Variants in GID8 observed in about 807,000 individuals in gnomAD.
The protein encoded by GID8 is glucose-induced degradation protein 8 homolog.
A neutral mutation model predicts 27.4 loss-of-function variants in GID8; 6 were observed. The ratio of observed to expected loss-of-function variants is 0.22; its 90% confidence interval spans 0.12 to 0.43. GID8 has a LOEUF of 0.43. Ranked by LOEUF, GID8 falls within the 20% of genes least tolerant of loss-of-function variation. The pLI is 1.00. For synonymous variants in GID8, 112 were observed against 109.0 expected, an observed-to-expected ratio of 1.03 and a Z score of -0.17; for missense variants, 173 against 287.6, an observed-to-expected ratio of 0.60 and a Z score of 2.88.
rs780040676 is a variant in GID8, at chr20:62,943,226, A to C, written c.315+43A>C. The C allele has an allele frequency of 8.6e-6, 12 of 1,394,466 alleles. No individual in the cohort carries two copies. The highest frequency in any genetic ancestry group is 4.6e-5 in the East Asian group (2 of 43,438). The allele number at this position is 1,394,466 out of a possible 1,614,324, so 86.4% of individuals were successfully genotyped here. On this transcript the variant is annotated intron_variant, in intron 3 of 4. Coordinates refer to ENST00000266069, the MANE Select transcript of GID8 (RefSeq NM_017896.3). The surrounding 1 kb of genome is among the most constrained non-coding windows in gnomAD (Gnocchi z 4.7). ...GTAGTCTGGTTTGTGAATACTTGAT[A>C]AGTTAAAGTTATTTGCAATGATTGA...
At chr20:62,944,557 G>A (rs764426409) in intron 4 of GID8, among the ~76,000 whole-genome samples, 182 bp from the exon 5 acceptor site, 4 of 152,184 alleles carry the variant, frequency 2.6e-5, no homozygotes, top group Admixed American at 1.3e-4. Context: ...AACTGCCATC[G>A]AGGTTGCATG....
In GID8 at chr20:62,945,740, A is replaced by C; in HGVS notation, c.*828A>C. On this transcript the variant is annotated 3_prime_UTR_variant, in exon 5 of 5. Transcript: ENST00000266069. ...GGCAGTGGCTTTTTCTGGTACCTGC[A>C]GCTGGAAAGGCCACTTGGCCCTGTG... 2 of 1,215,410 alleles carry C rather than the reference A, an allele frequency of 1.6e-6. No homozygotes were observed. Among genetic ancestry groups the C allele is most frequent in the Non-Finnish European group, 2.1e-6 (2 of 948,128 alleles). The allele number at this position is 1,215,410 out of a possible 1,614,324, so 75.3% of individuals were successfully genotyped here.
Position 62,938,150 on chromosome 20 carries a change from C to T in GID8, c.-116C>T, listed in dbSNP as rs2147624260. The stretch of plus-strand genomic sequence containing the variant: ...CCGCCGCGGCCCCCACCTCTGCCTC[C>T]TTCTACTCGGGCGCCCCGGCGGCCG... On this transcript the variant is annotated 5_prime_UTR_variant, in exon 1 of 5. Coordinates refer to ENST00000266069, the MANE Select transcript of GID8 (RefSeq NM_017896.3). 1 of 296,588 alleles carries T rather than the reference C, an allele frequency of 3.4e-6. No homozygotes were observed. Among genetic ancestry groups the T allele is most frequent in the Non-Finnish European group, 6.2e-6 (1 of 160,598 alleles). 18.4% of individuals were successfully genotyped at this position (296,588 alleles called of 1,614,324 possible).
At chr20:62,939,590 A>G (rs1313613069) in intron 1 of GID8, among the ~76,000 whole-genome samples, 4 of 152,110 alleles carry the variant, frequency 2.6e-5, no homozygotes, top group South Asian at 2.1e-4. Context: ...TTGTGGCCCC[A>G]TCTTGCAGGG....
chr20:62,939,799 C>T (rs2065431645), intron 1 of GID8, among the ~76,000 whole-genome samples: 1 of 152,240 alleles, frequency 6.6e-6, no homozygotes, highest in Admixed American at 6.5e-5. Flanking sequence ...GCATTCATCC[C>T]ATTTTCAGCC....
rs2065454610 is a variant in GID8 at position 62,943,856 on chromosome 20, G to A, written c.513+164G>A. The stretch of plus-strand genomic sequence containing the variant: ...CATGGCTTTTTTTTTTTTTTTTGGA[G>A]GTGAAGTCTTGTTCTGTCGCCCAGG... On this transcript the variant is annotated intron_variant, in intron 4 of 4. Coordinates refer to ENST00000266069, the MANE Select transcript of GID8 (RefSeq NM_017896.3). This position sits in a 1 kb window ranked among gnomAD's most constrained non-coding sequence, Gnocchi z 4.7. Among the ~76,000 whole-genome samples the A allele has an allele frequency of 7.1e-6, 1 of 141,442 alleles. No homozygotes were observed. The highest frequency in any genetic ancestry group is 2.5e-5 in the African/African-American group (1 of 39,436). 92.8% of individuals were successfully genotyped at this position (141,442 alleles called of 152,430 possible). A position where few individuals can be genotyped will look rare whatever the true frequency, so the allele number is the denominator to read the frequency against.
At chr20:62,941,708 G>A in intron 2 of GID8, 88 bp downstream of exon 2, 1 of 788,402 alleles carries the variant, frequency 1.3e-6, no homozygotes, top group South Asian at 1.4e-5. Context: ...GAGGTTTGAT[G>A]ACGTAGTTAT....
In GID8 at chr20:62,945,999, C is replaced by G. The variant is rs1395861703; in HGVS notation, c.*1087C>G. Reference sequence around the variant, plus strand: ...CGTGGTGGGCAGGAGGGAAGTGGTGCAGGGCTGCGTGCATTGCCTGCGAGT... The same window carrying G: ...CGTGGTGGGCAGGAGGGAAGTGGTGGAGGGCTGCGTGCATTGCCTGCGAGT... On this transcript the variant is annotated 3_prime_UTR_variant, in exon 5 of 5. Transcript: ENST00000266069. The G allele has an allele frequency of 7.8e-6, 10 of 1,289,318 alleles. No individual in the cohort carries two copies. Among genetic ancestry groups the G allele is most frequent in the Non-Finnish European group, 1.0e-5 (10 of 988,862 alleles). 79.9% of individuals were successfully genotyped at this position (1,289,318 alleles called of 1,614,324 possible).
Position 62,943,406 on chromosome 20 carries a change from G to A in GID8, c.316-89G>A, listed in dbSNP as rs746861719. On this transcript the variant is annotated intron_variant, in intron 3 of 4. Transcript: ENST00000266069. The surrounding 1 kb of genome is among the most constrained non-coding windows in gnomAD (Gnocchi z 4.7). Reference sequence around the variant, plus strand: ...GATGCAAGAAAAGTCTTCCCTCTGTGATGTACTTTTGATTGGGACCTGGTA... The same window carrying A: ...GATGCAAGAAAAGTCTTCCCTCTGTAATGTACTTTTGATTGGGACCTGGTA... 241 of 1,251,040 alleles carry A rather than the reference G, an allele frequency of 1.9e-4. 1 individual carries two copies. Among genetic ancestry groups the A allele is most frequent in the Non-Finnish European group, 2.6e-4 (228 of 864,632 alleles). 77.5% of individuals were successfully genotyped at this position (1,251,040 alleles called of 1,614,324 possible).
rs1396194885 is a variant in GID8 at position 62,945,255 on chromosome 20, C to G, written c.*343C>G. 7.7e-6 allele frequency: 8 copies of G among 1,042,218 alleles called. No homozygotes were observed. Among genetic ancestry groups the G allele is most frequent in the Non-Finnish European group, 9.2e-6 (8 of 865,410 alleles). The allele number at this position is 1,042,218 out of a possible 1,614,324, so 64.6% of individuals were successfully genotyped here. The stretch of plus-strand genomic sequence containing the variant: ...CTGTGCTGTTAGGCTGCATCCCACT[C>G]AAAATACAGGAAAAGCACGAATCAT... On this transcript the variant is annotated 3_prime_UTR_variant, in exon 5 of 5. Coordinates refer to ENST00000266069, the MANE Select transcript of GID8 (RefSeq NM_017896.3).
chr20:62,938,299 C>T (rs1406494774), intron 1 of GID8, 46 bp downstream of exon 1: 8 of 150,598 alleles, frequency 5.3e-5, no homozygotes, highest in South Asian at 2.1e-4. Flanking sequence ...GAGCGTCTCC[C>T]GGGGCCGGGC....
At position 62,938,154 on chromosome 20, in the gene GID8, T is replaced by C. The variant is rs2065413555; in HGVS notation, c.-112T>C. 1.2e-5 allele frequency: 3 copies of C among 260,272 alleles called. No individual in the cohort carries two copies. The highest frequency in any genetic ancestry group is 2.2e-5 in the Non-Finnish European group (3 of 137,974). 16.1% of individuals were successfully genotyped at this position (260,272 alleles called of 1,614,324 possible). On this transcript the variant is annotated 5_prime_UTR_variant, in exon 1 of 5. Coordinates refer to ENST00000266069, the MANE Select transcript of GID8 (RefSeq NM_017896.3). ...CGCGGCCCCCACCTCTGCCTCCTTC[T>C]ACTCGGGCGCCCCGGCGGCCGCCAC... is the stretch of plus-strand genomic sequence containing the variant.
At chr20:62,938,876 G>A (rs1462888792) in intron 1 of GID8, 1 of 152,200 alleles carries the variant, frequency 6.6e-6, no homozygotes, top group African/African-American at 2.4e-5. Flanking sequence ...GGGCGCGGTG[G>A]CGGAGGTCGA....
At chr20:62,944,215 C>G (rs972778339) in intron 4 of GID8, among the ~76,000 whole-genome samples, 5 of 152,184 alleles carry the variant, frequency 3.3e-5, no homozygotes, top group Admixed American at 1.3e-4. Context: ...TTGCTGGTGT[C>G]TTATATTTAT....
chr20:62,938,844 T>G (rs1386361933), intron 1 of GID8: 1 of 151,990 alleles, frequency 6.6e-6, no homozygotes, highest in East Asian at 1.9e-4. Flanking sequence ...CCTAGGGAGC[T>G]CTTAACGTTG....
rs1199522794 is a variant in GID8, at chr20:62,946,361, G to A, written c.*1449G>A. The A allele has an allele frequency of 4.3e-6, 1 of 232,294 alleles. No individual in the cohort carries two copies. The highest frequency in any genetic ancestry group is 8.8e-6 in the Non-Finnish European group (1 of 114,224). 14.4% of individuals were successfully genotyped at this position (232,294 alleles called of 1,614,324 possible). On this transcript the variant is annotated 3_prime_UTR_variant, in exon 5 of 5. Transcript: ENST00000266069. ...CTGCCTCTGAGGGACCGTCCTCACC[G>A]AGCTCCTGCATCCCTTGAGTGTTGA... is the stretch of plus-strand genomic sequence containing the variant.
In GID8 at chr20:62,943,738, T is replaced by G. The variant is rs1268684043; in HGVS notation, c.513+46T>G. The G allele has an allele frequency of 6.8e-7, 1 of 1,460,550 alleles. No individual in the cohort carries two copies. Among genetic ancestry groups the G allele is most frequent in the Admixed American group, 1.7e-5 (1 of 58,820 alleles). 90.5% of individuals were successfully genotyped at this position (1,460,550 alleles called of 1,614,324 possible). ...GCTTTCTTCCATTCCCCATGTGCTC[T>G]GAGGGGGCTTCGTGACAACGCCAAG... On this transcript the variant is annotated intron_variant, in intron 4 of 4. Transcript: ENST00000266069. The surrounding 1 kb of genome is among the most constrained non-coding windows in gnomAD (Gnocchi z 4.7).
Position 62,943,473 on chromosome 20 carries a change from G to T in GID8, c.316-22G>T, listed in dbSNP as rs1311086252. On this transcript the variant is annotated intron_variant, in intron 3 of 4. Transcript: ENST00000266069. The surrounding 1 kb of genome is among the most constrained non-coding windows in gnomAD (Gnocchi z 4.7). ...CCTGGCCTGGGTGTGTGGGGGTCAA[G>T]CTTGTCTGTCTCTGCCTCCAGCAAC... is the stretch of plus-strand genomic sequence containing the variant. 1.2e-6 allele frequency: 2 copies of T among 1,609,810 alleles called. No individual in the cohort carries two copies. The highest frequency in any genetic ancestry group is 8.5e-7 in the Non-Finnish European group (1 of 1,178,280).
Position 62,946,269 on chromosome 20 carries a change from A to G in GID8, c.*1357A>G, listed in dbSNP as rs2065466121. 3.0e-6 allele frequency: 1 copy of G among 332,838 alleles called. No homozygotes were observed. Among genetic ancestry groups the G allele is most frequent in the Admixed American group, 4.2e-5 (1 of 23,742 alleles). 20.6% of individuals were successfully genotyped at this position (332,838 alleles called of 1,614,324 possible). A position where few individuals can be genotyped will look rare whatever the true frequency, so the allele number is the denominator to read the frequency against. ...GATCTCGCCTTATTCTCAAGTAGCA[A>G]GGCATCTCGACAAGCATGGTCTAGG... is the stretch of plus-strand genomic sequence containing the variant. On this transcript the variant is annotated 3_prime_UTR_variant, in exon 5 of 5. Transcript: ENST00000266069.
Sources: allele counts gnomAD v4.1 joint callset (sites outside exome capture counted in the v4.1 genomes callset), GRCh38; gene constraint gnomAD v4.1.1; non-coding constraint Gnocchi (gnomAD v3.1); transcripts MANE v1.5; gene names NCBI Gene and HGNC (gene_info 2026-07-23, HGNC 2026-07-21).